Variants in SMS observed in about 807,000 individuals in gnomAD.
SMS encodes the protein spermidine aminopropyltransferase.
SMS carries 3 observed loss-of-function variants against 33.0 expected under a neutral mutation model. The ratio of observed to expected loss-of-function variants is 0.09; its 90% CI spans 0.04 to 0.23. The LOEUF is 0.23. Ranked by LOEUF, SMS falls within the 10% of genes least tolerant of loss-of-function variation. The pLI is 1.00. For synonymous variants in SMS, 103 were observed against 112.2 expected, an observed-to-expected ratio of 0.92 and a Z score of 0.52; for missense variants, 117 against 288.6, an observed-to-expected ratio of 0.41 and a Z score of 4.31.
chrX:21,979,836 C>T (rs1024676825), intron 7 of SMS, among the ~76,000 whole-genome samples: 7 of 108,829 alleles, frequency 6.4e-5, no homozygotes, highest in Non-Finnish European at 1.3e-4. Context: ...TAAAAGTGTT[C>T]CTATTTCTCC....
chrX:21,989,294 A>G (rs530996563), intron 9 of SMS, among the ~76,000 whole-genome samples: 2 of 110,836 alleles, frequency 1.8e-5, no homozygotes, highest in South Asian at 7.6e-4. Flanking sequence ...AGCAAATGTC[A>G]CCTGTCCACA....
chrX:21,943,998 A>G (rs983978598), intron 1 of SMS, among the ~76,000 whole-genome samples: 1 of 111,220 alleles, frequency 9.0e-6, no homozygotes, highest in Admixed American at 9.5e-5. Flanking sequence ...GTTTGTCAGT[A>G]ATCCTTTCTA....
At chrX:21,993,906 C>T (rs1169284889) in intron 10 of SMS, among the ~76,000 whole-genome samples, 1 of 108,189 alleles carries the variant, frequency 9.2e-6, no homozygotes, top group African/African-American at 3.4e-5. Flanking sequence ...TCTCCTCCTC[C>T]TTCCCTCTCC....
chrX:21,978,126 T>A lies in SMS; in HGVS notation c.660+12T>A, dbSNP rs1924657799. On this transcript the variant is annotated intron_variant, in intron 6 of 10. Coordinates refer to ENST00000404933, the MANE Select transcript of SMS (RefSeq NM_004595.5). ...TCACTATGGTAGAGATATCCTTTGT[T>A]GTATAAGAGAACAAGTTCAGTGGGC... 22 of 1,201,855 alleles carry A rather than the reference T, an allele frequency of 1.8e-5. No individual in the cohort carries two copies. The highest frequency in any genetic ancestry group is 2.4e-5 in the Non-Finnish European group (21 of 886,260).
At chrX:21,989,262 C>T (rs1925595918) in intron 9 of SMS, among the ~76,000 whole-genome samples, 1 of 110,771 alleles carries the variant, frequency 9.0e-6, no homozygotes, top group Non-Finnish European at 1.9e-5. Flanking sequence ...ATAGTGAAGA[C>T]CCCACCTCTA....
chrX:21,959,385 T>G (rs1384284477), intron 1 of SMS, among the ~76,000 whole-genome samples: 1 of 112,257 alleles, frequency 8.9e-6, no homozygotes, highest in Non-Finnish European at 1.9e-5. Flanking sequence ...TAGCACATTC[T>G]GAGTTCAGAA....
At chrX:21,956,451 T>C (rs931666742) in intron 1 of SMS, among the ~76,000 whole-genome samples, 5 of 109,174 alleles carry the variant, frequency 4.6e-5, no homozygotes, top group Non-Finnish European at 7.6e-5. Flanking sequence ...ACCTGGCTAA[T>C]TTTTTTTTAT....
chrX:21,965,927 A>T (rs929028732), intron 1 of SMS, among the ~76,000 whole-genome samples: 1 of 111,300 alleles, frequency 9.0e-6, no homozygotes, highest in African/African-American at 3.3e-5. Context: ...ATGCACTTCA[A>T]CCTGGGCGAC....
At position 21,992,686 on chromosome X, in the gene SMS, C is replaced by G. The variant is rs749489883; in HGVS notation, c.1035C>G (p.Ile345Met). 1 of 1,180,688 alleles carries G rather than the reference C, an allele frequency of 8.5e-7. No individual in the cohort carries two copies. Among genetic ancestry groups the G allele is most frequent in the African/African-American group, 1.7e-5 (1 of 57,225 alleles). Reference protein sequence around the residue: ...LYCPVEFSKEIVCVPSYLELW... With the variant: ...LYCPVEFSKEMVCVPSYLELW... ...GTCCTGTGGAATTTTCAAAGGAGAT[C>G]GTCTGTGTCCCTTCATACTTGGAAT... The change falls in exon 10 of 11, where the codon ATC (isoleucine) becomes ATG (methionine). Residue 345 changes from isoleucine (I) to methionine (M), a missense_variant. Around this residue, in one of 3 missense-constraint regions of SMS, gnomAD observed 69 missense variants for 203.8 expected, o/e 0.34. Coordinates refer to ENST00000404933, the MANE Select transcript of SMS (RefSeq NM_004595.5).
At chrX:21,958,584 CCTGTG>C (rs1366737005) in intron 1 of SMS, among the ~76,000 whole-genome samples, 3 of 112,555 alleles carry the variant, frequency 2.7e-5, no homozygotes, top group Non-Finnish European at 1.9e-5. Context: ...AAAAACAAAC[CCTGTG>C]CCCCTTAGCC....
chrX:21,973,409 C>T (rs890165441), intron 4 of SMS, among the ~76,000 whole-genome samples: 1 of 112,946 alleles, frequency 8.9e-6, no homozygotes, highest in Non-Finnish European at 1.9e-5. Flanking sequence ...TGCGCTCCAT[C>T]CTGGGCAACA....
chrX:21,976,162 A>G (rs1268080960), intron 4 of SMS, among the ~76,000 whole-genome samples: 1 of 111,189 alleles, frequency 9.0e-6, no homozygotes, highest in African/African-American at 3.3e-5. Context: ...TGAAAAAATC[A>G]TCATTTTGCA....
chrX:21,950,653 G>A, intron 1 of SMS, among the ~76,000 whole-genome samples: 1 of 107,899 alleles, frequency 9.3e-6, no homozygotes, highest in Non-Finnish European at 1.9e-5. Context: ...GTGTTCATGT[G>A]TTCTCATTGT....
At chrX:21,957,800 G>A (rs1055982389) in intron 1 of SMS, among the ~76,000 whole-genome samples, 4 of 111,852 alleles carry the variant, frequency 3.6e-5, no homozygotes, top group African/African-American at 1.3e-4. Context: ...TTTAATTGTA[G>A]TCATTTTTGC....
chrX:21,942,098 C>A (rs902846461), intron 1 of SMS, among the ~76,000 whole-genome samples: 1 of 108,915 alleles, frequency 9.2e-6, no homozygotes, highest in African/African-American at 3.3e-5. Context: ...GTGACTGCCG[C>A]AGACTTGAAT....
At chrX:21,970,246 C>G (rs1445151062) in intron 2 of SMS, among the ~76,000 whole-genome samples, 3 of 112,127 alleles carry the variant, frequency 2.7e-5, no homozygotes, top group African/African-American at 9.7e-5. Flanking sequence ...ACCTGAGCCA[C>G]CTTTTATTCA....
At chrX:21,974,079 CAG>C (rs1447061740) in intron 4 of SMS, among the ~76,000 whole-genome samples, 3 of 112,547 alleles carry the variant, frequency 2.7e-5, no homozygotes, top group Non-Finnish European at 5.6e-5. Flanking sequence ...GAGACCAACA[CAG>C]AGGGACTTCC....
chrX:21,984,522 A>G (rs1925195836), intron 8 of SMS, 104 bp downstream of exon 8: 2 of 581,955 alleles, frequency 3.4e-6, no homozygotes, highest in Non-Finnish European at 5.9e-6. Flanking sequence ...CGTTTTTGAA[A>G]AAGGGAGTTA....
intron 1 of SMS, among the ~76,000 whole-genome samples, chrX:21,956,533 G>A (rs747160443): frequency 3.6e-5 from 4 of 110,660 alleles, no homozygotes; most frequent in Admixed American, 9.6e-5. Flanking sequence ...GCAGTGGCGC[G>A]ATCTCGGCTC....
Sources: gnomAD v4.1 joint callset for allele counts (sites outside exome capture counted in the v4.1 genomes callset) on GRCh38, gnomAD v4.1.1 for gene constraint, gnomAD v4.1.1 regional missense constraint, MANE v1.5 for transcripts, NCBI Gene and HGNC (gene_info 2026-07-23, HGNC 2026-07-21) for gene names.